The following GCH1 variants were observed in gnomAD, a reference collection of about 807,000 sequenced individuals.
GCH1 encodes GTP cyclohydrolase I.
GCH1 carries 5 observed loss-of-function variants against 25.9 expected under a neutral mutation model. The observed-to-expected ratio is 0.19, with a 90% CI of 0.10 to 0.41. The LOEUF is 0.41. Ranked by LOEUF, GCH1 falls within the 10% of genes least tolerant of loss-of-function variation. The pLI, the probability that GCH1 is intolerant of heterozygous loss-of-function variation, is 1.00. For missense variants in GCH1, 261 were observed against 336.5 expected, an observed-to-expected ratio of 0.78 and a Z score of 1.75; for synonymous variants, 159 against 129.6, an observed-to-expected ratio of 1.23 and a Z score of -1.54.
chr14:54,856,846 G>A (rs2039819193), intron 3 of GCH1, among the ~76,000 whole-genome samples: 1 of 152,172 alleles, frequency 6.6e-6, no homozygotes, highest in Admixed American at 6.5e-5. Flanking sequence ...GTTTATTCTA[G>A]AATTCTACTA....
chr14:54,889,606 T>C (rs2040398803), intron 1 of GCH1, among the ~76,000 whole-genome samples: 2 of 152,328 alleles, frequency 1.3e-5, no homozygotes, highest in African/African-American at 4.8e-5. Context: ...ACCTGGCTGC[T>C]TGTTCACAGA....
chr14:54,886,303 C>T (rs2040350769), intron 1 of GCH1: 1 of 152,960 alleles, frequency 6.5e-6, no homozygotes, highest in African/African-American at 2.4e-5. Flanking sequence ...AGCCCTACCA[C>T]AACTCGCATT....
chr14:54,899,781 C>T (rs2040537007), intron 1 of GCH1, among the ~76,000 whole-genome samples: 1 of 152,124 alleles, frequency 6.6e-6, no homozygotes, highest in Non-Finnish European at 1.5e-5. Context: ...AAGGAAGCTC[C>T]ATACTCATTA....
chr14:54,856,891 C>T (rs918246130), intron 3 of GCH1, among the ~76,000 whole-genome samples: 1 of 152,188 alleles, frequency 6.6e-6, no homozygotes, highest in Non-Finnish European at 1.5e-5. Context: ...CTGGCATTTT[C>T]TTGTTACTTA....
chr14:54,866,833 C>T (rs544339121), intron 1 of GCH1, among the ~76,000 whole-genome samples: 23 of 152,212 alleles, frequency 1.5e-4, no homozygotes, highest in Admixed American at 5.2e-4. Context: ...TCAAGAAAGG[C>T]GAACATGGCA....
chr14:54,873,917 A>G (rs1594999278), intron 1 of GCH1, among the ~76,000 whole-genome samples: 1 of 152,344 alleles, frequency 6.6e-6, no homozygotes, highest in Non-Finnish European at 1.5e-5. Flanking sequence ...CCAGACATAT[A>G]AGGAGGAGCT....
At chr14:54,851,201 C>T (rs111901404) in intron 3 of GCH1, among the ~76,000 whole-genome samples, 6,214 of 152,254 alleles carry the variant, frequency 0.041, 474 homozygotes, top group African/African-American at 0.14. Flanking sequence ...CCCTTCCTTA[C>T]ACCTTATACA....
At chr14:54,884,180 A>G (rs2040313588) in intron 1 of GCH1, among the ~76,000 whole-genome samples, 1 of 152,188 alleles carries the variant, frequency 6.6e-6, no homozygotes, top group Admixed American at 6.5e-5. Flanking sequence ...TATTTGGAGA[A>G]TGACTAGAGG....
intron 2 of GCH1, among the ~76,000 whole-genome samples, 163 bp from the exon 3 acceptor site, chr14:54,859,899 C>T (rs2039868806): frequency 6.6e-6 from 1 of 152,136 alleles, no homozygotes; most frequent in Non-Finnish European, 1.5e-5. Context: ...GAAAATGAAA[C>T]ATTTATATAT....
chr14:54,845,993 G>A, intron 4 of GCH1, 141 bp from the exon 5 acceptor site: 1 of 679,576 alleles, frequency 1.5e-6, no homozygotes, highest in Non-Finnish European at 2.7e-6. Context: ...TTACCAGACT[G>A]CTTTGTCTGC....
At chr14:54,845,560 C>T (rs914773498) in intron 5 of GCH1, among the ~76,000 whole-genome samples, 2 of 151,924 alleles carry the variant, frequency 1.3e-5, no homozygotes, top group African/African-American at 4.8e-5. Context: ...CCATCCTACC[C>T]TCAAAAAATA....
intron 4 of GCH1, among the ~76,000 whole-genome samples, 169 bp from the exon 5 acceptor site, chr14:54,846,021 G>T (rs1483015163): frequency 1.3e-5 from 2 of 152,166 alleles, no homozygotes; most frequent in African/African-American, 4.8e-5. Context: ...GCCACAGAGA[G>T]GCCCGGATTC....
intron 1 of GCH1, among the ~76,000 whole-genome samples, chr14:54,867,237 C>G (rs755217675): frequency 6.6e-6 from 1 of 152,180 alleles, no homozygotes; most frequent in African/African-American, 2.4e-5. Flanking sequence ...ATCCTAAGCT[C>G]TGACGACAAC....
chr14:54,843,063 G>A lies in GCH1; in HGVS notation c.*954C>T. On this transcript the variant is annotated 3_prime_UTR_variant, in exon 6 of 6. Transcript: ENST00000491895. ...GCTATGGTTCTGCAGACCTGAAAAT[G>A]ATGGGCACTCTCAAATGTTTCTGGA... The A allele has an allele frequency of 8.7e-7, 1 of 1,154,976 alleles. No homozygotes were observed. The highest frequency in any genetic ancestry group is 1.3e-6 in the Non-Finnish European group (1 of 762,564). The allele number at this position is 1,154,976 out of a possible 1,614,324, so 71.5% of individuals were successfully genotyped here. A position where few individuals can be genotyped will look rare whatever the true frequency, so the allele number is the denominator to read the frequency against.
intron 3 of GCH1, among the ~76,000 whole-genome samples, chr14:54,851,531 T>A (rs190630172): frequency 1.3e-3 from 199 of 151,964 alleles, no homozygotes; most frequent in Non-Finnish European, 2.3e-3. Flanking sequence ...TACAAGAAAA[T>A]ATCAAACAAC....
chr14:54,871,032 G>A (rs547343572), intron 1 of GCH1, among the ~76,000 whole-genome samples: 1 of 152,194 alleles, frequency 6.6e-6, no homozygotes, highest in African/African-American at 2.4e-5. Context: ...TGAGATCTGA[G>A]AATGGACAGA....
intron 3 of GCH1, among the ~76,000 whole-genome samples, chr14:54,849,694 T>C (rs2039696149): frequency 1.3e-5 from 2 of 152,324 alleles, no homozygotes; most frequent in African/African-American, 2.4e-5. Context: ...ATCTAGCACA[T>C]TGCCTCTGTT....
chr14:54,883,140 G>A (rs1289669526), intron 1 of GCH1, among the ~76,000 whole-genome samples: 1 of 151,926 alleles, frequency 6.6e-6, no homozygotes, highest in East Asian at 1.9e-4. Context: ...TTGGGAGGAT[G>A]AGGCAGGTGG....
chr14:54,863,560 T>A (rs1306913512), intron 2 of GCH1, among the ~76,000 whole-genome samples: 3 of 81,412 alleles, frequency 3.7e-5, no homozygotes, highest in African/African-American at 1.5e-4. Context: ...GCAGAATAGA[T>A]AAATTGTGGT....
Sources: allele counts gnomAD v4.1 joint callset (sites outside exome capture counted in the v4.1 genomes callset), GRCh38; gene constraint gnomAD v4.1.1; transcripts MANE v1.5; gene names NCBI Gene and HGNC (gene_info 2026-07-23, HGNC 2026-07-21).